Variants in CACNB3 observed in about 807,000 individuals in gnomAD.
CACNB3 encodes voltage-dependent L-type calcium channel subunit beta-3.
In CACNB3, 36 loss-of-function variants were observed where a neutral mutation model predicts 63.7. The observed-to-expected ratio is 0.57, with a 90% CI of 0.43 to 0.75. CACNB3 has a LOEUF of 0.75. Ranked by LOEUF, CACNB3 falls within the 30% of genes least tolerant of loss-of-function variation. The pLI is 0.00. For missense variants in CACNB3, 493 were observed against 648.6 expected (o/e 0.76, Z 2.61); for synonymous variants, 241 against 250.6 (o/e 0.96, Z 0.36).
chr12:48,817,745 C>G (rs894443782), upstream of CACNB3: 1 of 152,304 alleles, frequency 6.6e-6, no homozygotes. Flanking sequence ...TGGCCCTTTC[C>G]TCTCCCAACC....
chr12:48,826,132 C>A lies in CACNB3; in HGVS notation c.743-235C>A. 1.7e-6 allele frequency: 1 copy of A among 582,142 alleles called. No individual in the cohort carries two copies. The highest frequency in any genetic ancestry group is 3.1e-6 in the Non-Finnish European group (1 of 326,790). 36.1% of individuals were successfully genotyped at this position (582,142 alleles called of 1,614,324 possible). On this transcript the variant is annotated intron_variant, in intron 9 of 12. Transcript: ENST00000301050. The surrounding 1 kb of genome is among the most constrained non-coding windows in gnomAD (Gnocchi z 4.8). ...GCATGAGCCACCATGCCTGGCCCCTCTTCCCTTTTCTCTTCCTTACCTCCT... is the reference window on the plus strand; with the variant it reads ...GCATGAGCCACCATGCCTGGCCCCTATTCCCTTTTCTCTTCCTTACCTCCT...
rs762888270 is a variant in CACNB3, at chr12:48,818,659, ATTG to A, written c.-266_-264del. 1.2e-3 allele frequency: 1,346 copies of A among 1,109,816 alleles called. 2 individuals carry two copies. The highest frequency in any genetic ancestry group is 1.4e-3 in the Non-Finnish European group (1,305 of 927,510). 68.7% of individuals were successfully genotyped at this position (1,109,816 alleles called of 1,614,324 possible). ...GGAGGGGGTCAGGTGGGCGGGCACT[ATTG>A]TTGTAGGAGCCGGCGCCAGATTCCT... On this transcript the variant is annotated 5_prime_UTR_variant, in exon 1 of 13. Transcript: ENST00000301050. The surrounding 1 kb of genome is among the most constrained non-coding windows in gnomAD (Gnocchi z 4.3).
rs141786339 is a variant in CACNB3, at chr12:48,824,348, C to T, written c.382C>T (p.Arg128Trp). 96 of 1,609,724 alleles carry T rather than the reference C, an allele frequency of 6.0e-5. 1 individual carries two copies. The highest frequency in any genetic ancestry group is 4.9e-4 in the Admixed American group (29 of 59,374). ...IPSPQRLESI[R>W]LKQEQKARRS... is the part of the protein sequence containing the mutation. ...CAGCCCCCAGCGCCTGGAGAGCATC[C>T]GGCTCAAACAGGAGCAGAAGGCCAG... Residue 128 changes from arginine to tryptophan, a missense_variant, in exon 4 of 13, where the codon CGG (arginine) becomes TGG (tryptophan). Physicochemically the swap from Arg to Trp is moderately radical, Grantham distance 101. Transcript: ENST00000301050.
intron 5 of CACNB3, 57 bp downstream of exon 5, chr12:48,824,790 A>G (rs1385236686): frequency 1.9e-6 from 3 of 1,574,536 alleles, no homozygotes; most frequent in Non-Finnish European, 2.6e-6. Flanking sequence ...ACACAGGGAA[A>G]GAGGGGATCC....
Position 48,826,784 on chromosome 12 carries a change from G to C in CACNB3, c.920G>C (p.Arg307Pro), listed in dbSNP as rs1352385413. ...GTACTCCAGCGTCTCATTCGCTCCC[G>C]GGGGAAGTCACAGATGAAGCACCTG... ...PKVLQRLIRS[R>P]GKSQMKHLTV... Residue 307 changes from arginine (R) to proline (P), a missense_variant, in exon 11 of 13, where the codon CGG (arginine) becomes CCG (proline). Transcript: ENST00000301050. The surrounding 1 kb of genome is among the most constrained non-coding windows in gnomAD (Gnocchi z 4.8). 1 of 1,613,766 alleles carries C rather than the reference G, an allele frequency of 6.2e-7. No homozygotes were observed. Among genetic ancestry groups the C allele is most frequent in the Non-Finnish European group, 8.5e-7 (1 of 1,179,760 alleles).
rs1938228734 is a variant in CACNB3, at chr12:48,827,727, A to G, written c.1283A>G (p.Asp428Gly). 4.3e-6 allele frequency: 7 copies of G among 1,614,028 alleles called. No individual in the cohort carries two copies. The highest frequency in any genetic ancestry group is 2.7e-5 in the African/African-American group (2 of 74,928). Residue 428 changes from aspartate (D) to glycine (G), a missense_variant, in exon 13 of 13, where the codon GAC becomes GGC. Asp to Gly is a moderately conservative substitution (Grantham distance 94). Transcript: ENST00000301050. ...CGTAGCTCCCGCCACCTGGAGGAGGACTATGCAGATGCCTACCAGGACCTG... is the reference window on the plus strand; with the variant it reads ...CGTAGCTCCCGCCACCTGGAGGAGGGCTATGCAGATGCCTACCAGGACCTG... The part of the protein sequence containing the change: ...SQRSSRHLEE[D>G]YADAYQDLYQ...
At chr12:48,817,106 C>A, upstream of CACNB3, 1 of 649,068 alleles carries the variant, frequency 1.5e-6, no homozygotes, top group Non-Finnish European at 1.9e-6. Context: ...TCCCTTCAGC[C>A]ACAGGGGCTG....
Position 48,826,877 on chromosome 12 carries a change from C to T in CACNB3, c.990+23C>T. The T allele has an allele frequency of 1.9e-6, 3 of 1,612,382 alleles. No individual in the cohort carries two copies. The highest frequency in any genetic ancestry group is 2.7e-5 in the African/African-American group (2 of 74,988). On this transcript the variant is annotated intron_variant, in intron 11 of 12. Transcript: ENST00000301050. This position sits in a 1 kb window ranked among gnomAD's most constrained non-coding sequence, Gnocchi z 4.8. ...CCGGTGAGTGCCTGGGTCAGCTGCT[C>T]CTGTGCCCACTCCCCCAGGGCTGCG...
chr12:48,815,732 AC>A, upstream of CACNB3: 2 of 570,388 alleles, frequency 3.5e-6, no homozygotes, highest in East Asian at 1.1e-4. Flanking sequence ...GAACGAGGTA[AC>A]CGTGGGGGGG....
At chr12:48,814,526 T>G (rs774403451), upstream of CACNB3, 2 of 1,529,004 alleles carry the variant, frequency 1.3e-6, no homozygotes, top group East Asian at 5.0e-5. The surrounding 1 kb of genome is among the most constrained non-coding windows in gnomAD (Gnocchi z 6.9). Flanking sequence ...CCGGCTTAGC[T>G]GGGGCGCCCC....
intron 4 of CACNB3, 84 bp from the exon 5 acceptor site, chr12:48,824,585 G>A (rs1012203080): frequency 2.6e-5 from 35 of 1,322,394 alleles, no homozygotes; most frequent in Middle Eastern, 1.8e-4. Flanking sequence ...ATGGAATTGT[G>A]TACAATTATT....
intron 1 of CACNB3, among the ~76,000 whole-genome samples, chr12:48,822,821 C>A (rs1276753095): frequency 6.6e-6 from 1 of 152,108 alleles, no homozygotes; most frequent in Non-Finnish European, 1.5e-5. Flanking sequence ...AAAGTGGAAT[C>A]TTAGGGGGCA....
At position 48,823,203 on chromosome 12, in the gene CACNB3, G is replaced by A. The variant is rs1011251091; in HGVS notation, c.46-141G>A. 9.6e-7 allele frequency: 1 copy of A among 1,037,660 alleles called. No homozygotes were observed. Among genetic ancestry groups the A allele is most frequent in the Non-Finnish European group, 1.4e-6 (1 of 714,498 alleles). 64.3% of individuals were successfully genotyped at this position (1,037,660 alleles called of 1,614,324 possible). The stretch of plus-strand genomic sequence containing the variant: ...GCACTGGGGCCCTTCTCAGGGGATA[G>A]GAGGGGCCATAGGGACCCAGCTATC... On this transcript the variant is annotated intron_variant, in intron 1 of 12. Transcript: ENST00000301050. This position sits in a 1 kb window ranked among gnomAD's most constrained non-coding sequence, Gnocchi z 4.2.
chr12:48,824,141 T>C (rs1937995427), intron 3 of CACNB3, 117 bp from the exon 4 acceptor site: 1 of 872,642 alleles, frequency 1.1e-6, no homozygotes. Flanking sequence ...CACCGCCCCT[T>C]GCATTGCATT....
In CACNB3 at chr12:48,825,358, A is replaced by T. The variant is rs1426603650; in HGVS notation, c.574-76A>T. On this transcript the variant is annotated intron_variant, in intron 7 of 12. Transcript: ENST00000301050. The surrounding 1 kb of genome is among the most constrained non-coding windows in gnomAD (Gnocchi z 4.5). ...CGTCCAGGGTGTGTATGTGGAGCGC[A>T]TTGACTCTGGGGCCATGCATGGGGA... is the stretch of plus-strand genomic sequence containing the variant. 6.3e-7 allele frequency: 1 copy of T among 1,582,780 alleles called. No individual in the cohort carries two copies. The highest frequency in any genetic ancestry group is 2.2e-5 in the East Asian group (1 of 44,718).
At chr12:48,824,905 TCCC>T in intron 5 of CACNB3, 41 bp from the exon 6 acceptor site, 1 of 1,611,810 alleles carries the variant, frequency 6.2e-7, no homozygotes, top group Non-Finnish European at 8.5e-7. Context: ...CAGGGACCTT[TCCC>T]CCTTCACCAA....
At position 48,828,798 on chromosome 12, in the gene CACNB3, G is replaced by A. The variant is rs1938290022; in HGVS notation, c.*899G>A. 1 of 456,234 alleles carries A rather than the reference G, an allele frequency of 2.2e-6. No individual in the cohort carries two copies. Among genetic ancestry groups the A allele is most frequent in the African/African-American group, 2.0e-5 (1 of 50,036 alleles). The allele number at this position is 456,234 out of a possible 1,614,324, so 28.3% of individuals were successfully genotyped here. ...CTCATAGCTGCCGCTTGTTAGGTTA[G>A]GGTTAGATGGGGAGAGACAGGGCAC... On this transcript the variant is annotated 3_prime_UTR_variant, in exon 13 of 13. Transcript: ENST00000301050.
chr12:48,828,914 T>C lies in CACNB3; in HGVS notation c.*1015T>C. Reference sequence around the variant, plus strand: ...CACAAGCCCCTGCCTCACCTCACTGTCATCACTAATAAACATCATGCACAG... The same window carrying C: ...CACAAGCCCCTGCCTCACCTCACTGCCATCACTAATAAACATCATGCACAG... On this transcript the variant is annotated 3_prime_UTR_variant, in exon 13 of 13. Transcript: ENST00000301050. 2.7e-6 allele frequency: 1 copy of C among 372,644 alleles called. No individual in the cohort carries two copies. Among genetic ancestry groups the C allele is most frequent in the South Asian group, 2.0e-5 (1 of 50,420 alleles). The allele number at this position is 372,644 out of a possible 1,614,324, so 23.1% of individuals were successfully genotyped here.
chr12:48,818,359 A>AT (rs1942340340), upstream of CACNB3: 2 of 729,240 alleles, frequency 2.7e-6, no homozygotes, highest in Admixed American at 1.3e-4. The surrounding 1 kb of genome is among the most constrained non-coding windows in gnomAD (Gnocchi z 4.3). Context: ...TCGCGGTCTC[A>AT]GCGCCCCCTC....
Sources: gnomAD v4.1 joint callset for allele counts (sites outside exome capture counted in the v4.1 genomes callset) on GRCh38, gnomAD v4.1.1 for gene constraint, Gnocchi (gnomAD v3.1) non-coding constraint, MANE v1.5 for transcripts, NCBI Gene and HGNC (gene_info 2026-07-23, HGNC 2026-07-21) for gene names.